HS6ST3: variants seen among roughly 807,000 people sequenced by gnomAD.
The protein encoded by HS6ST3 is heparan sulfate 6-O-sulfotransferase 3.
In HS6ST3, 12 loss-of-function variants were observed where a neutral mutation model predicts 36.7. The ratio of observed to expected loss-of-function variants is 0.33; its 90% CI spans 0.21 to 0.53. The LOEUF is 0.53. Among genes scored for constraint, HS6ST3 ranks in the 20% least tolerant of loss-of-function variants. The pLI is 0.95. For missense variants in HS6ST3, 584 were observed against 640.9 expected (o/e 0.91, Z 0.96); for synonymous variants, 240 against 257.5 (o/e 0.93, Z 0.65).
intron 1 of HS6ST3, among the ~76,000 whole-genome samples, chr13:96,123,045 C>T (rs906135618): frequency 6.6e-6 from 1 of 152,190 alleles, no homozygotes; most frequent in Non-Finnish European, 1.5e-5. Flanking sequence ...TTCAAACCTC[C>T]AGTCATTGAG....
At chr13:96,093,098 C>T (rs2073176817) in intron 1 of HS6ST3, among the ~76,000 whole-genome samples, 2 of 152,188 alleles carry the variant, frequency 1.3e-5, no homozygotes, top group South Asian at 4.1e-4. Context: ...CTTGTACTCC[C>T]TGTTTAGATT....
At chr13:96,117,000 C>G (rs1469477799) in intron 1 of HS6ST3, among the ~76,000 whole-genome samples, 3 of 152,152 alleles carry the variant, frequency 2.0e-5, no homozygotes, top group African/African-American at 7.2e-5. Flanking sequence ...ATATAAACTT[C>G]AGAAAGTCAC....
intron 1 of HS6ST3, among the ~76,000 whole-genome samples, chr13:96,131,047 G>A (rs1228077609): frequency 6.6e-6 from 1 of 152,150 alleles, no homozygotes; most frequent in Non-Finnish European, 1.5e-5. Flanking sequence ...CAGGGACTGC[G>A]TGAGCGACTG....
At chr13:96,822,221 A>G (rs1371933586) in intron 1 of HS6ST3, among the ~76,000 whole-genome samples, 1 of 152,212 alleles carries the variant, frequency 6.6e-6, no homozygotes. Flanking sequence ...TCCAGGCTTC[A>G]GGTGGATACC....
At chr13:96,198,764 C>G (rs191032056) in intron 1 of HS6ST3, among the ~76,000 whole-genome samples, 5 of 152,344 alleles carry the variant, frequency 3.3e-5, no homozygotes, top group Admixed American at 2.6e-4. Flanking sequence ...CAACAAGTTT[C>G]TAGGAAGTTC....
intron 1 of HS6ST3, among the ~76,000 whole-genome samples, chr13:96,605,138 C>T (rs967539356): frequency 6.6e-6 from 1 of 152,120 alleles, no homozygotes; most frequent in Non-Finnish European, 1.5e-5. Context: ...TTTGCAAAGG[C>T]TCCACTCCAC....
At chr13:96,136,896 G>T (rs2054005108) in intron 1 of HS6ST3, among the ~76,000 whole-genome samples, 1 of 151,736 alleles carries the variant, frequency 6.6e-6, no homozygotes. Flanking sequence ...GGTATTGATG[G>T]TTTTCCTCAT....
intron 1 of HS6ST3, among the ~76,000 whole-genome samples, chr13:96,687,638 A>C (rs1487357316): frequency 1.3e-5 from 2 of 152,018 alleles, no homozygotes; most frequent in Non-Finnish European, 2.9e-5. Context: ...TCTGAGAGGC[A>C]GTACACACTA....
intron 1 of HS6ST3, among the ~76,000 whole-genome samples, chr13:96,462,714 T>C (rs1327917): frequency 0.94 from 142,501 of 152,264 alleles, 67,196 homozygotes; most frequent in East Asian, 1. Context: ...AAATGATTTA[T>C]AAATATATTG....
intron 1 of HS6ST3, among the ~76,000 whole-genome samples, chr13:96,371,922 A>G (rs2055292088): frequency 6.6e-6 from 1 of 152,148 alleles, no homozygotes; most frequent in Non-Finnish European, 1.5e-5. Context: ...TATCTTGGCT[A>G]TTGTAAATAA....
intron 1 of HS6ST3, among the ~76,000 whole-genome samples, chr13:96,159,772 A>G (rs1328274638): frequency 6.6e-6 from 1 of 152,228 alleles, no homozygotes; most frequent in Non-Finnish European, 1.5e-5. Flanking sequence ...GAGCAGTTTC[A>G]TGGAGTTCAA....
intron 1 of HS6ST3, among the ~76,000 whole-genome samples, chr13:96,603,080 A>C (rs2056427208): frequency 6.6e-6 from 1 of 152,154 alleles, no homozygotes; most frequent in Non-Finnish European, 1.5e-5. Flanking sequence ...TCGTGTGGGA[A>C]AGATTGATGG....
At chr13:96,224,181 T>G (rs2054469595) in intron 1 of HS6ST3, among the ~76,000 whole-genome samples, 1 of 152,180 alleles carries the variant, frequency 6.6e-6, no homozygotes, top group African/African-American at 2.4e-5. Flanking sequence ...TCTGTGGTGC[T>G]TTCAGTTATC....
intron 1 of HS6ST3, among the ~76,000 whole-genome samples, chr13:96,189,021 G>T (rs1025912678): frequency 9.2e-5 from 14 of 151,852 alleles, no homozygotes; most frequent in African/African-American, 3.1e-4. Flanking sequence ...TTTTATTTGG[G>T]GGAATTATTT....
intron 1 of HS6ST3, among the ~76,000 whole-genome samples, chr13:96,537,493 A>G (rs1201775886): frequency 6.6e-6 from 1 of 152,164 alleles, no homozygotes; most frequent in Non-Finnish European, 1.5e-5. Context: ...TTAATCCCCT[A>G]TTAGGCATTG....
chr13:96,380,451 AGATGGT>A (rs2055335596), intron 1 of HS6ST3, among the ~76,000 whole-genome samples: 1 of 151,966 alleles, frequency 6.6e-6, no homozygotes, highest in Non-Finnish European at 1.5e-5. Flanking sequence ...CTTTTAGTAG[AGATGGT>A]GTTTCACCAT....
chr13:96,603,344 TTTGCCTTCTG>T (rs2056428192), intron 1 of HS6ST3, among the ~76,000 whole-genome samples: 2 of 152,248 alleles, frequency 1.3e-5, no homozygotes, highest in African/African-American at 4.8e-5. Flanking sequence ...TGTTCTTGTC[TTTGCCTTCTG>T]TTGCTCAACT....
At chr13:96,554,229 A>G (rs886494378) in intron 1 of HS6ST3, among the ~76,000 whole-genome samples, 1 of 152,182 alleles carries the variant, frequency 6.6e-6, no homozygotes, top group South Asian at 2.1e-4. Flanking sequence ...CAGAGACACA[A>G]CCATTCAAAA....
At chr13:96,225,543 G>A (rs1403346231) in intron 1 of HS6ST3, among the ~76,000 whole-genome samples, 1 of 152,162 alleles carries the variant, frequency 6.6e-6, no homozygotes, top group Non-Finnish European at 1.5e-5. Flanking sequence ...TTTTATTGAT[G>A]GAGGAGGTAG....
Sources: gnomAD v4.1 joint callset for allele counts (sites outside exome capture counted in the v4.1 genomes callset) on GRCh38, gnomAD v4.1.1 for gene constraint, MANE v1.5 for transcripts, NCBI Gene and HGNC (gene_info 2026-07-23, HGNC 2026-07-21) for gene names.